ETV6: variants seen among roughly 807,000 people sequenced by gnomAD.
ETV6 encodes transcription factor ETV6.
In ETV6, 16 loss-of-function variants were observed where a neutral mutation model predicts 51.1. The ratio of observed to expected loss-of-function variants is 0.31; its 90% CI spans 0.21 to 0.48. ETV6 has a LOEUF of 0.48. Ranked by LOEUF, ETV6 falls within the 20% of genes least tolerant of loss-of-function variation. The probability of loss-of-function intolerance (pLI) is 0.99; values close to 1 mark genes in which losing one functional copy is unlikely to be tolerated. For synonymous variants in ETV6, 240 were observed against 224.1 expected (o/e 1.07, Z -0.64); for missense variants, 458 against 594.8 (o/e 0.77, Z 2.39).
chr12:11,886,018 TTTG>T lies in ETV6; in HGVS notation c.1248_1250del (p.Leu416del), dbSNP rs1301041977. The stretch of plus-strand genomic sequence containing the variant: ...TCAGGAAGGAGCCAGGACAAAGGCT[TTTG>T]TTCAGGTAGCACTTCCTTTTTCTCC... On this transcript the variant is annotated inframe_deletion, in exon 7 of 8. Transcript: ENST00000396373. 6.2e-7 allele frequency: 1 copy of T among 1,611,188 alleles called. No homozygotes were observed. The highest frequency in any genetic ancestry group is 8.5e-7 in the Non-Finnish European group (1 of 1,177,378).
intron 2 of ETV6, among the ~76,000 whole-genome samples, chr12:11,830,753 C>G (rs1485999128): frequency 1.3e-5 from 2 of 152,220 alleles, no homozygotes; most frequent in Non-Finnish European, 2.9e-5. Context: ...CAGCTACATG[C>G]ATGGACATGT....
At chr12:11,753,966 C>A (rs1043057884) in intron 2 of ETV6, among the ~76,000 whole-genome samples, 1 of 152,168 alleles carries the variant, frequency 6.6e-6, no homozygotes, top group Non-Finnish European at 1.5e-5. Flanking sequence ...GTAAAGGTGC[C>A]AGGGTCATGG....
chr12:11,839,352 G>A, intron 3 of ETV6, 48 bp downstream of exon 3: 1 of 1,571,288 alleles, frequency 6.4e-7, no homozygotes, highest in Non-Finnish European at 8.7e-7. Context: ...AAGTCTCTTA[G>A]TTAGTGGTTG....
At chr12:11,753,502 TGAG>T (rs1866079269) in intron 2 of ETV6, among the ~76,000 whole-genome samples, 1 of 152,196 alleles carries the variant, frequency 6.6e-6, no homozygotes, top group African/African-American at 2.4e-5. Context: ...AGAGGACACT[TGAG>T]GTCACCTTGG....
chr12:11,700,457 G>T (rs74966707), intron 1 of ETV6, among the ~76,000 whole-genome samples: 2,298 of 152,226 alleles, frequency 0.015, 56 homozygotes, highest in East Asian at 0.11. Context: ...CTGCTTATAA[G>T]TGAGAACATG....
chr12:11,803,788 A>G (rs1945787240), intron 2 of ETV6, among the ~76,000 whole-genome samples: 2 of 152,360 alleles, frequency 1.3e-5, no homozygotes, highest in Middle Eastern at 3.4e-3. Context: ...AAATACAGAA[A>G]GTCTGTCATT....
chr12:11,658,310 A>G (rs1279546332), intron 1 of ETV6, among the ~76,000 whole-genome samples: 1 of 152,184 alleles, frequency 6.6e-6, no homozygotes, highest in Non-Finnish European at 1.5e-5. Flanking sequence ...ATCTCAGCTC[A>G]CTGCAACCTC....
intron 2 of ETV6, among the ~76,000 whole-genome samples, chr12:11,818,982 T>C (rs1946036601): frequency 6.6e-6 from 1 of 152,098 alleles, no homozygotes; most frequent in Admixed American, 6.5e-5. Context: ...AGAGGTCCCT[T>C]CCCCTGAGCT....
At chr12:11,776,959 C>T (rs1221538047) in intron 2 of ETV6, among the ~76,000 whole-genome samples, 1 of 152,132 alleles carries the variant, frequency 6.6e-6, no homozygotes, top group Admixed American at 6.5e-5. Flanking sequence ...ATTTTTTAGG[C>T]CGGGCGCAGT....
At chr12:11,853,708 C>T (rs113992571) in intron 4 of ETV6, 147 bp downstream of exon 4, 1 of 900,978 alleles carries the variant, frequency 1.1e-6, no homozygotes, top group Non-Finnish European at 1.7e-6. Flanking sequence ...ACAAAATACA[C>T]TCTTGGTTCC....
chr12:11,669,537 C>T (rs943056537), intron 1 of ETV6, among the ~76,000 whole-genome samples: 2 of 152,062 alleles, frequency 1.3e-5, no homozygotes, highest in Admixed American at 6.5e-5. Flanking sequence ...TTCCCAGGCT[C>T]GCCTGCTTTT....
rs75090193 is a variant in ETV6 at position 11,830,023 on chromosome 12, A to T, written c.164-9117A>T. Among the ~76,000 whole-genome samples, 188 of 152,294 alleles carry T rather than the reference A, an allele frequency of 1.2e-3. 3 individuals carry two copies. The East Asian group carries it at 0.029, about 23-fold the overall frequency. ...GGTTTTGAGCAGATTTGCAGAGAGC[A>T]GGCCGGTGGGGAAGGGAAAGGAGGC... is the stretch of plus-strand genomic sequence containing the variant. On this transcript the variant is annotated intron_variant, in intron 2 of 7. Coordinates refer to ENST00000396373, the MANE Select transcript of ETV6 (RefSeq NM_001987.5).
At chr12:11,834,149 G>C (rs1946282806) in intron 2 of ETV6, among the ~76,000 whole-genome samples, 1 of 152,168 alleles carries the variant, frequency 6.6e-6, no homozygotes, top group African/African-American at 2.4e-5. Context: ...TCATCTGGAG[G>C]CAAAATGACT....
intron 1 of ETV6, among the ~76,000 whole-genome samples, chr12:11,678,153 C>A (rs1359233463): frequency 1.3e-5 from 2 of 152,170 alleles, no homozygotes; most frequent in Non-Finnish European, 2.9e-5. Context: ...ATATAACATC[C>A]TTATTATAAG....
chr12:11,827,830 G>A (rs1946181630), intron 2 of ETV6, among the ~76,000 whole-genome samples: 1 of 152,172 alleles, frequency 6.6e-6, no homozygotes, highest in South Asian at 2.1e-4. Flanking sequence ...TGGTCCGTGT[G>A]CGGTTTAAAA....
intron 2 of ETV6, among the ~76,000 whole-genome samples, chr12:11,772,168 T>C (rs1006718392): frequency 1.3e-5 from 2 of 152,204 alleles, no homozygotes; most frequent in African/African-American, 4.8e-5. Context: ...TAAAGCTTAA[T>C]CTCTGAGCAT....
Position 11,649,702 on chromosome 12 carries a change from G to T in ETV6, c.-426G>T, listed in dbSNP as rs1488987209. 6.7e-6 allele frequency among the ~76,000 whole-genome samples: 1 copy of T among 149,532 alleles called. No individual in the cohort carries two copies. The highest frequency in any genetic ancestry group is 6.6e-5 in the Admixed American group (1 of 15,064). ...TCAGTTTCTGCACTGAAACTCTCAA[G>T]ATCAATGAGCAAAGAGCTTTCTCAG... On this transcript the variant is annotated 5_prime_UTR_variant, in exon 1 of 8. Coordinates refer to ENST00000396373, the MANE Select transcript of ETV6 (RefSeq NM_001987.5).
intron 1 of ETV6, among the ~76,000 whole-genome samples, chr12:11,748,987 C>T (rs952660856): frequency 4.0e-4 from 61 of 152,072 alleles, no homozygotes; most frequent in African/African-American, 6.0e-4. Context: ...CGCTTTGTGC[C>T]GCCTCCTTGA....
chr12:11,667,154 T>A (rs1456670975), intron 1 of ETV6, among the ~76,000 whole-genome samples: 2 of 152,254 alleles, frequency 1.3e-5, no homozygotes, highest in East Asian at 1.9e-4. Context: ...ATGTGCTGCT[T>A]ACATTTCCAG....
Sources: allele counts gnomAD v4.1 joint callset (sites outside exome capture counted in the v4.1 genomes callset), GRCh38; gene constraint gnomAD v4.1.1; transcripts MANE v1.5; gene names NCBI Gene and HGNC (gene_info 2026-07-23, HGNC 2026-07-21).